The following MAP2K1 variants were observed in gnomAD, a reference collection of about 807,000 sequenced individuals.
The protein encoded by MAP2K1 is mitogen-activated protein kinase kinase 1, also known as dual specificity mitogen-activated protein kinase kinase 1.
A neutral mutation model predicts 46.3 loss-of-function variants in MAP2K1; 16 were observed. The ratio of observed to expected loss-of-function variants is 0.35; its 90% CI spans 0.23 to 0.52. MAP2K1 has a LOEUF of 0.52. Ranked by LOEUF, MAP2K1 falls within the 20% of genes least tolerant of loss-of-function variation. MAP2K1 has a pLI of 0.94. For synonymous variants in MAP2K1, 183 were observed against 185.6 expected (o/e 0.99, Z 0.11); for missense variants, 263 against 497.1 (o/e 0.53, Z 4.48).
At chr15:66,438,500 A>T (rs749754846) in intron 3 of MAP2K1, among the ~76,000 whole-genome samples, 1 of 152,120 alleles carries the variant, frequency 6.6e-6, no homozygotes, top group African/African-American at 2.4e-5. Flanking sequence ...TTCTTTATTC[A>T]CTTTGAACTT....
chr15:66,404,664 A>G (rs2093391668), intron 1 of MAP2K1, among the ~76,000 whole-genome samples: 1 of 152,240 alleles, frequency 6.6e-6, no homozygotes, highest in East Asian at 1.9e-4. Context: ...GGAAAGTACC[A>G]GAAACCACCA....
intron 5 of MAP2K1, among the ~76,000 whole-genome samples, chr15:66,459,309 C>CA (rs35580857): frequency 0.13 from 15,923 of 122,990 alleles, 1,602 homozygotes; most frequent in African/African-American, 0.3. Context: ...GACTCTGTCT[C>CA]AAAAAAAAAA....
chr15:66,400,001 C>G (rs1341875741), intron 1 of MAP2K1, among the ~76,000 whole-genome samples: 4 of 152,082 alleles, frequency 2.6e-5, no homozygotes, highest in African/African-American at 4.8e-5. Context: ...TATTATATTA[C>G]TATATAATTT....
At chr15:66,479,571 C>T (rs1892864033) in intron 5 of MAP2K1, among the ~76,000 whole-genome samples, 1 of 152,156 alleles carries the variant, frequency 6.6e-6, no homozygotes. Context: ...GGTCTGCACA[C>T]TGTGGGGTAG....
At chr15:66,420,257 CGAATGAAT>C (rs911740095) in intron 1 of MAP2K1, among the ~76,000 whole-genome samples, 2 of 148,718 alleles carry the variant, frequency 1.3e-5, no homozygotes, top group East Asian at 2.0e-4. Context: ...AATGAATGAA[CGAATGAAT>C]GAATGAATGA....
intron 5 of MAP2K1, among the ~76,000 whole-genome samples, chr15:66,464,310 T>C (rs1892407009): frequency 6.6e-6 from 1 of 152,092 alleles, no homozygotes; most frequent in Non-Finnish European, 1.5e-5. Context: ...AAAACTACAA[T>C]AAACAAAAGA....
In MAP2K1 at chr15:66,490,805, T is replaced by C; in HGVS notation, c.*190T>C. On this transcript the variant is annotated 3_prime_UTR_variant, in exon 11 of 11. Coordinates refer to ENST00000307102, the MANE Select transcript of MAP2K1 (RefSeq NM_002755.4). ...ACTGTCTTTATTCTTATTACTATTATTGTTCCCCTAAGTGGATTGGCTTTG... is the reference window on the plus strand; with the variant it reads ...ACTGTCTTTATTCTTATTACTATTACTGTTCCCCTAAGTGGATTGGCTTTG... 1 of 674,736 alleles carries C rather than the reference T, an allele frequency of 1.5e-6. No individual in the cohort carries two copies. The highest frequency in any genetic ancestry group is 2.7e-6 in the Non-Finnish European group (1 of 367,460). The allele number at this position is 674,736 out of a possible 1,614,324, so 41.8% of individuals were successfully genotyped here.
chr15:66,465,708 A>C (rs574270668), intron 5 of MAP2K1, among the ~76,000 whole-genome samples: 8 of 152,270 alleles, frequency 5.3e-5, no homozygotes, highest in East Asian at 1.9e-4. Flanking sequence ...ACAACAACAA[A>C]AAAACGGGTG....
intron 5 of MAP2K1, among the ~76,000 whole-genome samples, chr15:66,465,723 A>G (rs1036324603): frequency 6.6e-6 from 1 of 152,158 alleles, no homozygotes; most frequent in Non-Finnish European, 1.5e-5. Context: ...CGGGTGTACT[A>G]TAGTTTTTGA....
intron 5 of MAP2K1, among the ~76,000 whole-genome samples, chr15:66,479,591 A>T (rs535064758): frequency 4.6e-5 from 7 of 152,166 alleles, no homozygotes; most frequent in African/African-American, 1.7e-4. Context: ...GGGGAGTGAC[A>T]TGATGAGGGC....
intron 1 of MAP2K1, among the ~76,000 whole-genome samples, chr15:66,416,395 T>C (rs1173463607): frequency 6.7e-6 from 1 of 150,098 alleles, no homozygotes; most frequent in African/African-American, 2.5e-5. Flanking sequence ...CCTTTCAGAC[T>C]GCCTTGTGAG....
In MAP2K1 at chr15:66,463,277, C is replaced by G. The variant is rs147257329; in HGVS notation, c.569-18478C>G. The stretch of plus-strand genomic sequence containing the variant: ...GAAGAGAGAAGATATCTCGATTGAA[C>G]AGTAAGTGCTTCAGAGTCAAACACG... On this transcript the variant is annotated intron_variant, in intron 5 of 10. Transcript: ENST00000307102. Among the ~76,000 whole-genome samples, 154 of 152,292 alleles carry G rather than the reference C, an allele frequency of 1.0e-3. 1 individual carries two copies. Among genetic ancestry groups the G allele is most frequent in the African/African-American group, 3.3e-3 (136 of 41,566 alleles).
At position 66,483,904 on chromosome 15, in the gene MAP2K1, C is replaced by T. The variant is rs187393971; in HGVS notation, c.694-1086C>T. Among the ~76,000 whole-genome samples the T allele has an allele frequency of 3.2e-4, 49 of 151,642 alleles. No homozygotes were observed. The East Asian group carries it at 7.2e-3, about 22-fold the overall frequency. ...CTGGAACTACAGGCGTGTGCCACCACGCCCGGCTAATTTTTTTGTATTTTT... is the reference window on the plus strand; with the variant it reads ...CTGGAACTACAGGCGTGTGCCACCATGCCCGGCTAATTTTTTTGTATTTTT... On this transcript the variant is annotated intron_variant, in intron 6 of 10. Transcript: ENST00000307102.
intron 1 of MAP2K1, among the ~76,000 whole-genome samples, chr15:66,409,159 G>A (rs999427099): frequency 1.3e-5 from 2 of 152,054 alleles, no homozygotes; most frequent in Non-Finnish European, 2.9e-5. Context: ...AGGCATGTGG[G>A]ATGTATGTTA....
chr15:66,475,082 G>C (rs922208647), intron 5 of MAP2K1, among the ~76,000 whole-genome samples: 6 of 152,036 alleles, frequency 3.9e-5, no homozygotes, highest in African/African-American at 9.7e-5. Flanking sequence ...AAATTTGGGT[G>C]GGGGAAAAGA....
At chr15:66,446,750 CA>C in intron 5 of MAP2K1, 8 of 337,632 alleles carry the variant, frequency 2.4e-5, no homozygotes, top group East Asian at 7.7e-5. Context: ...TTATAGCCGG[CA>C]AAAATGGCCT....
At chr15:66,425,083 A>G (rs1595855406) in intron 1 of MAP2K1, among the ~76,000 whole-genome samples, 2 of 152,234 alleles carry the variant, frequency 1.3e-5, no homozygotes, top group East Asian at 3.9e-4. Flanking sequence ...GGCATGAGCC[A>G]CTGTGCCCAG....
rs2093341678 is a variant in MAP2K1, at chr15:66,386,913, G to A, written c.-435G>A. On this transcript the variant is annotated 5_prime_UTR_variant, in exon 1 of 11. Transcript: ENST00000307102. ...TTCCCCGCCCCTCCCCCGGCCTCCA[G>A]TCCCTCCCAGGGCCGCTTCGCAGAG... 1.3e-5 allele frequency: 3 copies of A among 235,982 alleles called. No homozygotes were observed. The highest frequency in any genetic ancestry group is 2.5e-5 in the Non-Finnish European group (3 of 120,390). 14.6% of individuals were successfully genotyped at this position (235,982 alleles called of 1,614,324 possible).
chr15:66,460,692 T>A (rs990094338), intron 5 of MAP2K1, among the ~76,000 whole-genome samples: 1 of 152,134 alleles, frequency 6.6e-6, no homozygotes, highest in Non-Finnish European at 1.5e-5. Flanking sequence ...AAGAGGACTC[T>A]ACTGTTACGG....
Sources: allele counts gnomAD v4.1 joint callset (sites outside exome capture counted in the v4.1 genomes callset), GRCh38; gene constraint gnomAD v4.1.1; transcripts MANE v1.5; gene names NCBI Gene and HGNC (gene_info 2026-07-23, HGNC 2026-07-21).